The following KCNJ6 variants were observed in gnomAD, a reference collection of about 807,000 sequenced individuals.
KCNJ6 encodes potassium inwardly rectifying channel subfamily J member 6, also known as G protein-activated inward rectifier potassium channel 2.
Under a neutral mutation model 34.2 loss-of-function variants are expected in KCNJ6, and 9 were observed. That is an observed-to-expected ratio of 0.26 (90% confidence interval 0.16 to 0.46). The LOEUF (loss-of-function observed/expected upper bound fraction) is 0.46. Ranked by LOEUF, KCNJ6 falls within the 20% of genes least tolerant of loss-of-function variation. KCNJ6 has a pLI of 1.00. For synonymous variants in KCNJ6, 196 were observed against 207.1 expected (o/e 0.95, Z 0.46); for missense variants, 236 against 531.3 (o/e 0.44, Z 5.46).
Position 37,814,558 on chromosome 21 carries a change from T to C in KCNJ6, c.25+26100A>G, listed in dbSNP as rs372877919. ...ATGTCTATCAACAGATGAATGGATA[T>C]AGAAAATGTGGTATACGTACACAAT... On this transcript the variant is annotated intron_variant, in intron 2 of 3. Coordinates refer to ENST00000609713, the MANE Select transcript of KCNJ6 (RefSeq NM_002240.5). Among the ~76,000 whole-genome samples, 21 of 152,196 alleles carry C rather than the reference T, an allele frequency of 1.4e-4. No homozygotes were observed. In the East Asian group the frequency reaches 3.1e-3, roughly 22 times the overall value.
intron 2 of KCNJ6, among the ~76,000 whole-genome samples, chr21:37,721,948 G>A (rs2054828618): frequency 6.6e-6 from 1 of 151,812 alleles, no homozygotes; most frequent in Non-Finnish European, 1.5e-5. Flanking sequence ...CCTAGCCAGA[G>A]CAATCAGGCA....
In KCNJ6 at chr21:37,894,697, C is replaced by T. The variant is rs570319126; in HGVS notation, c.-28+21187G>A. 2.6e-5 allele frequency among the ~76,000 whole-genome samples: 4 copies of T among 152,110 alleles called. No individual in the cohort carries two copies. The East Asian group carries it at 5.8e-4, about 22-fold the overall frequency. On this transcript the variant is annotated intron_variant, in intron 1 of 3. Transcript: ENST00000609713. The stretch of plus-strand genomic sequence containing the variant: ...AAAAAAAAATCAACATTGTACCACT[C>T]AGCTCCCTCATGCAGCATTAACTTA...
rs2054558936 is a variant in KCNJ6, at chr21:37,675,150, T to C, written c.946+39061A>G. ...GGCCCTTGAGCCATGAGCTTTCTTT[T>C]ATTTAATGTGATATTCCCAGCGTCT... On this transcript the variant is annotated intron_variant, in intron 3 of 3. Coordinates refer to ENST00000609713, the MANE Select transcript of KCNJ6 (RefSeq NM_002240.5). This position sits in a 1 kb window ranked among gnomAD's most constrained non-coding sequence, Gnocchi z 4.2. 6.6e-6 allele frequency among the ~76,000 whole-genome samples: 1 copy of C among 152,202 alleles called. No homozygotes were observed. The highest frequency in any genetic ancestry group is 1.5e-5 in the Non-Finnish European group (1 of 68,036).
chr21:37,862,406 C>T (rs748070687), intron 1 of KCNJ6, among the ~76,000 whole-genome samples: 3 of 152,228 alleles, frequency 2.0e-5, no homozygotes, highest in Non-Finnish European at 4.4e-5. Flanking sequence ...CATGTATACA[C>T]ATTGTGGCAT....
intron 3 of KCNJ6, among the ~76,000 whole-genome samples, chr21:37,662,093 T>C (rs541805777): frequency 6.6e-6 from 1 of 152,186 alleles, no homozygotes; most frequent in Non-Finnish European, 1.5e-5. Flanking sequence ...AAATTTTATT[T>C]ATTTTTATTT....
At chr21:37,860,577 T>C (rs547352254) in intron 1 of KCNJ6, among the ~76,000 whole-genome samples, 1 of 152,334 alleles carries the variant, frequency 6.6e-6, no homozygotes, top group Non-Finnish European at 1.5e-5. Context: ...ATGGAGTTCC[T>C]GCAGGATCTG....
intron 1 of KCNJ6, among the ~76,000 whole-genome samples, chr21:37,908,391 C>A (rs1045778450): frequency 2.6e-5 from 4 of 152,194 alleles, no homozygotes; most frequent in African/African-American, 9.7e-5. Context: ...TTCAGGAAAA[C>A]AATGACTATT....
At chr21:37,631,045 C>A (rs1340069184) in intron 3 of KCNJ6, among the ~76,000 whole-genome samples, 1 of 152,174 alleles carries the variant, frequency 6.6e-6, no homozygotes, top group Non-Finnish European at 1.5e-5. Context: ...CCTATCACAG[C>A]ACTTATCAGA....
chr21:37,882,420 A>G lies in KCNJ6; in HGVS notation c.-28+33464T>C, dbSNP rs571896360. 5.9e-5 allele frequency among the ~76,000 whole-genome samples: 9 copies of G among 152,342 alleles called. No individual in the cohort carries two copies. The South Asian group carries it at 1.0e-3, about 18-fold the overall frequency. On this transcript the variant is annotated intron_variant, in intron 1 of 3. Transcript: ENST00000609713. ...GCGATGAAAACTACAGCACATGGGC[A>G]GGTGGCATCAGGAAACCACTGCATG...
At chr21:37,717,800 G>A (rs751230570) in intron 2 of KCNJ6, among the ~76,000 whole-genome samples, 3 of 152,162 alleles carry the variant, frequency 2.0e-5, no homozygotes, top group African/African-American at 7.2e-5. Context: ...GGAGAAGAGG[G>A]TTTGTCAAAT....
intron 3 of KCNJ6, among the ~76,000 whole-genome samples, chr21:37,652,289 A>G (rs563993111): frequency 2.6e-4 from 39 of 152,340 alleles, no homozygotes; most frequent in African/African-American, 6.7e-4. Flanking sequence ...TATTGGATTT[A>G]AAGACTAAAG....
In KCNJ6 at chr21:37,609,783, TG is replaced by T. The variant is rs1370591222; in HGVS notation, c.*15375del. The T allele has an allele frequency of 8.7e-6, 1 of 115,220 alleles. No homozygotes were observed. The highest frequency in any genetic ancestry group is 9.3e-5 in the Admixed American group (1 of 10,786). 7.1% of individuals were successfully genotyped at this position (115,220 alleles called of 1,614,324 possible). A position where few individuals can be genotyped will look rare whatever the true frequency, so the allele number is the denominator to read the frequency against. Reference sequence around the variant, plus strand: ...GTGCATGCTTTAGGGAGGGTAGAGCTGGATTTGGGTTAAAAGCAAATTGTCA... The same window carrying T: ...GTGCATGCTTTAGGGAGGGTAGAGCTGATTTGGGTTAAAAGCAAATTGTCA... On this transcript the variant is annotated 3_prime_UTR_variant, in exon 4 of 4. Coordinates refer to ENST00000609713, the MANE Select transcript of KCNJ6 (RefSeq NM_002240.5).
chr21:37,682,113 T>G (rs726643), intron 3 of KCNJ6, among the ~76,000 whole-genome samples: 148,857 of 152,294 alleles, frequency 0.98, 72,787 homozygotes, highest in East Asian at 1. Context: ...CTCGCAAGGA[T>G]GGTGGATTAG....
At chr21:37,896,486 G>A (rs1356312151) in intron 1 of KCNJ6, among the ~76,000 whole-genome samples, 2 of 152,156 alleles carry the variant, frequency 1.3e-5, no homozygotes, top group African/African-American at 4.8e-5. Flanking sequence ...GCCTGGCATG[G>A]GGTTCGGCTG....
At chr21:37,707,202 C>T (rs1397323353) in intron 3 of KCNJ6, among the ~76,000 whole-genome samples, 1 of 152,212 alleles carries the variant, frequency 6.6e-6, no homozygotes, top group African/African-American at 2.4e-5. Context: ...GCTGTTTTGA[C>T]TATTCAGAGT....
chr21:37,775,092 G>C (rs1480911489), intron 2 of KCNJ6, among the ~76,000 whole-genome samples: 1 of 152,134 alleles, frequency 6.6e-6, no homozygotes, highest in African/African-American at 2.4e-5. Flanking sequence ...GCATTTCTCT[G>C]GTGGCCAGGG....
intron 1 of KCNJ6, among the ~76,000 whole-genome samples, chr21:37,860,496 T>G (rs899624588): frequency 1.3e-5 from 2 of 152,206 alleles, no homozygotes; most frequent in African/African-American, 4.8e-5. Flanking sequence ...GAAGTAGAAA[T>G]AAGCTGACTT....
At chr21:37,687,969 T>C (rs2054622981) in intron 3 of KCNJ6, among the ~76,000 whole-genome samples, 1 of 152,206 alleles carries the variant, frequency 6.6e-6, no homozygotes, top group African/African-American at 2.4e-5. Flanking sequence ...TAACTGTGGA[T>C]GATTTAAAGT....
intron 2 of KCNJ6, among the ~76,000 whole-genome samples, chr21:37,819,738 T>G (rs890020132): frequency 5.3e-5 from 8 of 152,228 alleles, no homozygotes; most frequent in Non-Finnish European, 1.0e-4. Flanking sequence ...ACTCCTCTCT[T>G]ACTTCTGTCA....
Sources: allele counts gnomAD v4.1 joint callset (sites outside exome capture counted in the v4.1 genomes callset), GRCh38; gene constraint gnomAD v4.1.1; non-coding constraint Gnocchi (gnomAD v3.1); transcripts MANE v1.5; gene names NCBI Gene and HGNC (gene_info 2026-07-23, HGNC 2026-07-21).